Variants in GYPB observed in about 807,000 individuals in gnomAD.
GYPB encodes glycophorin B (MNS blood group).
GYPB carries 13 observed loss-of-function variants against 15.3 expected under a neutral mutation model. The observed-to-expected ratio is 0.85, with a 90% CI of 0.55 to 1.35. The LOEUF (loss-of-function observed/expected upper bound fraction) is 1.35. Among genes scored for constraint, GYPB ranks in the 40% most tolerant of loss-of-function variants. The pLI is 0.00. For synonymous variants in GYPB, 38 were observed against 36.9 expected, an observed-to-expected ratio of 1.03 and a Z score of -0.11; for missense variants, 131 against 108.3, an observed-to-expected ratio of 1.21 and a Z score of -0.93.
intron 1 of GYPB, among the ~76,000 whole-genome samples, chr4:144,010,065 T>C (rs1728138863): frequency 6.6e-6 from 1 of 151,358 alleles, no homozygotes; most frequent in Non-Finnish European, 1.5e-5. Context: ...CAATCATCAG[T>C]GCTACATAGA....
chr4:144,014,658 G>T (rs1197245150), intron 1 of GYPB, among the ~76,000 whole-genome samples: 3 of 151,288 alleles, frequency 2.0e-5, no homozygotes, highest in African/African-American at 7.4e-5. Context: ...TGGGTAAGAG[G>T]GTTCCTTCTG....
At chr4:143,995,343 G>T (rs1727271618), downstream of GYPB, among the ~76,000 whole-genome samples, 1 of 151,326 alleles carries the variant, frequency 6.6e-6, no homozygotes, top group African/African-American at 2.5e-5. Context: ...GCTCACTTAG[G>T]GGAGGCATAC....
chr4:144,013,312 C>T (rs921409480), intron 1 of GYPB, among the ~76,000 whole-genome samples: 1 of 150,946 alleles, frequency 6.6e-6, no homozygotes, highest in East Asian at 1.9e-4. Context: ...CACTTTTACA[C>T]TGTTGGTGGG....
At chr4:144,007,690 G>A (rs1428757490) in intron 1 of GYPB, among the ~76,000 whole-genome samples, 4 of 151,616 alleles carry the variant, frequency 2.6e-5, no homozygotes, top group Non-Finnish European at 4.4e-5. Flanking sequence ...TCCTGGCTTT[G>A]CCATCAAATG....
At chr4:144,000,395 C>T in intron 2 of GYPB, 1 of 1,060,184 alleles carries the variant, frequency 9.4e-7, no homozygotes, top group Admixed American at 3.5e-5. Flanking sequence ...TTTTTCTTTT[C>T]TGGAGGGGAA....
At chr4:144,003,609 G>T (rs1727733907) in intron 1 of GYPB, among the ~76,000 whole-genome samples, 1 of 151,506 alleles carries the variant, frequency 6.6e-6, no homozygotes, top group Non-Finnish European at 1.5e-5. Context: ...TTTAAGCAAA[G>T]TATATGTAAC....
At chr4:144,017,765 T>C (rs1054599186) in intron 1 of GYPB, among the ~76,000 whole-genome samples, 1 of 151,466 alleles carries the variant, frequency 6.6e-6, no homozygotes, top group African/African-American at 2.5e-5. Flanking sequence ...GTTTGCCCCA[T>C]GGAGCAACAC....
chr4:143,997,688 A>G, intron 3 of GYPB, 54 bp from the exon 4 acceptor site: 1 of 882,784 alleles, frequency 1.1e-6, no homozygotes, highest in Non-Finnish European at 1.9e-6. Flanking sequence ...ACATAGCAAT[A>G]GAAAAATAAG....
At chr4:144,006,203 G>T (rs1418081188) in intron 1 of GYPB, among the ~76,000 whole-genome samples, 1 of 151,940 alleles carries the variant, frequency 6.6e-6, no homozygotes, top group Non-Finnish European at 1.5e-5. Context: ...TGAGAAGGGT[G>T]GAATGAATTG....
In GYPB at chr4:144,010,654, T is replaced by C. The variant is rs1220194325; in HGVS notation, c.37+8597A>G. ...GATTATGTTTTGAGCCTGATGAACC[T>C]GGTTATACCCTATCTGAATACCTGG... On this transcript the variant is annotated intron_variant, in intron 1 of 4. Coordinates refer to ENST00000502664, the MANE Select transcript of GYPB (RefSeq NM_002100.6). Among the ~76,000 whole-genome samples, 5 of 151,362 alleles carry C rather than the reference T, an allele frequency of 3.3e-5. 1 individual carries two copies. The highest frequency in any genetic ancestry group is 1.2e-4 in the African/African-American group (5 of 40,648).
At chr4:144,012,035 A>G (rs547363243) in intron 1 of GYPB, among the ~76,000 whole-genome samples, 29 of 152,232 alleles carry the variant, frequency 1.9e-4, no homozygotes, top group African/African-American at 6.0e-4. Context: ...TAACATCAAA[A>G]GGAGGCCTCC....
intron 1 of GYPB, among the ~76,000 whole-genome samples, chr4:144,004,535 A>G (rs1727793430): frequency 6.6e-6 from 1 of 151,692 alleles, no homozygotes; most frequent in South Asian, 2.1e-4. Flanking sequence ...ATTCCAGAAT[A>G]GAATCACATG....
At chr4:144,002,594 T>G (rs2149959352) in intron 1 of GYPB, 1 of 1,287,080 alleles carries the variant, frequency 7.8e-7, no homozygotes, top group East Asian at 5.6e-5. Context: ...TTGGAGACAT[T>G]CAAATGAGGG....
At chr4:144,015,552 A>T (rs1404203214) in intron 1 of GYPB, among the ~76,000 whole-genome samples, 1 of 151,506 alleles carries the variant, frequency 6.6e-6, no homozygotes, top group South Asian at 2.1e-4. Context: ...AGTCTCATAG[A>T]TGTTTTGAAT....
intron 1 of GYPB, among the ~76,000 whole-genome samples, chr4:144,013,115 T>A (rs1194046662): frequency 6.6e-6 from 1 of 151,234 alleles, no homozygotes; most frequent in Non-Finnish European, 1.5e-5. Context: ...AAGACAAAAA[T>A]AAATTTAAAA....
rs1341867150 is a variant in GYPB, at chr4:144,001,244, G to T, written c.77C>A (p.Ala26Glu). Residue 26 changes from alanine to glutamate, a missense_variant, in exon 2 of 5, where the codon GCA becomes GAA. Transcript: ENST00000502664. ...SISALSTTEV[A>E]MHTSTSSSVT... ...TGAAGAAGAGGTTGAAGTGTGCATT[G>T]CCACCTCAGTGGTACTTAATGCTGA... 6.2e-7 allele frequency: 1 copy of T among 1,612,724 alleles called. No homozygotes were observed. Among genetic ancestry groups the T allele is most frequent in the Non-Finnish European group, 8.5e-7 (1 of 1,179,798 alleles).
At chr4:144,011,068 AC>A (rs1468834251) in intron 1 of GYPB, among the ~76,000 whole-genome samples, 3 of 151,564 alleles carry the variant, frequency 2.0e-5, no homozygotes, top group East Asian at 1.9e-4. Flanking sequence ...AAAGACAGAA[AC>A]TTTTAGATTG....
At chr4:144,009,520 T>C (rs1448070864) in intron 1 of GYPB, among the ~76,000 whole-genome samples, 1 of 150,322 alleles carries the variant, frequency 6.7e-6, no homozygotes, top group Non-Finnish European at 1.5e-5. Flanking sequence ...ATGACTATGT[T>C]CCAATAATGA....
intron 4 of GYPB, among the ~76,000 whole-genome samples, chr4:143,996,844 T>A (rs1362134933): frequency 6.0e-5 from 9 of 150,644 alleles, no homozygotes; most frequent in Non-Finnish European, 1.2e-4. Context: ...TGGAAATTTG[T>A]AAAATCTGTT....
Sources: allele counts gnomAD v4.1 joint callset (sites outside exome capture counted in the v4.1 genomes callset), GRCh38; gene constraint gnomAD v4.1.1; transcripts MANE v1.5; gene names NCBI Gene and HGNC (gene_info 2026-07-23, HGNC 2026-07-21).